GCNT2: variants seen among roughly 807,000 people sequenced by gnomAD.
GCNT2 encodes the protein N-acetyllactosaminide beta-1,6-N-acetylglucosaminyl-transferase.
A neutral mutation model predicts 34.2 loss-of-function variants in GCNT2; 34 were observed. That is an observed-to-expected ratio of 1.00 (90% CI 0.76 to 1.32). GCNT2 has a LOEUF of 1.32. Ranked by LOEUF, GCNT2 falls within the 40% of genes most tolerant of loss-of-function variation. The pLI is 0.00. For missense variants in GCNT2, 584 were observed against 489.4 expected, an observed-to-expected ratio of 1.19 and a Z score of -1.82; for synonymous variants, 212 against 188.0, an observed-to-expected ratio of 1.13 and a Z score of -1.04.
rs569115590 is a variant in GCNT2 at position 10,585,218 on chromosome 6, C to T, written c.926-36133C>T. ...GTTTGAAGAGACAGGGTCTCACTGT[C>T]GCCCAGGCTGGAGTGCAGTGCTGCC... On this transcript the variant is annotated intron_variant, in intron 3 of 4. Transcript: ENST00000495262. 3.9e-5 allele frequency among the ~76,000 whole-genome samples: 6 copies of T among 152,234 alleles called. No individual in the cohort carries two copies. The South Asian group carries it at 6.2e-4, about 16-fold the overall frequency.
At chr6:10,551,451 AT>A (rs35071552) in intron 3 of GCNT2, among the ~76,000 whole-genome samples, 51,388 of 143,914 alleles carry the variant, frequency 0.36, 9,186 homozygotes, top group African/African-American at 0.46. Flanking sequence ...TTATTAATTT[AT>A]TTTTTTTTTT....
At position 10,628,317 on chromosome 6, in the gene GCNT2, A is replaced by C. The variant is rs1209802075; in HGVS notation, c.*1710A>C. 6.6e-6 allele frequency: 1 copy of C among 152,646 alleles called. No individual in the cohort carries two copies. Among genetic ancestry groups the C allele is most frequent in the East Asian group, 1.9e-4 (1 of 5,206 alleles). The allele number at this position is 152,646 out of a possible 1,614,324, so 9.5% of individuals were successfully genotyped here. The stretch of plus-strand genomic sequence containing the variant: ...AGCAATTACTACAAATGGATGACAC[A>C]TTTAATGAACACAATTTTATTTTTT... On this transcript the variant is annotated 3_prime_UTR_variant, in exon 5 of 5. Transcript: ENST00000495262.
intron 3 of GCNT2, among the ~76,000 whole-genome samples, chr6:10,563,131 G>C (rs754781938): frequency 7.2e-5 from 11 of 152,060 alleles, no homozygotes; most frequent in Non-Finnish European, 1.6e-4. Context: ...CTCCAGCCTG[G>C]GCAACAGAGT....
chr6:10,579,839 A>AC (rs1321817123), intron 3 of GCNT2, among the ~76,000 whole-genome samples: 7 of 148,230 alleles, frequency 4.7e-5, no homozygotes, highest in African/African-American at 1.6e-4. Context: ...AAAAAAAAAA[A>AC]AAAAAAAAAC....
At chr6:10,533,145 A>C (rs576725342) in intron 3 of GCNT2, among the ~76,000 whole-genome samples, 1 of 151,712 alleles carries the variant, frequency 6.6e-6, no homozygotes, top group South Asian at 2.1e-4. Context: ...ATCTCTACTA[A>C]AAATACAAAA....
intron 3 of GCNT2, among the ~76,000 whole-genome samples, chr6:10,617,088 A>T (rs1206822322): frequency 6.6e-6 from 1 of 152,146 alleles, no homozygotes; most frequent in African/African-American, 2.4e-5. Context: ...GGTCGATGGG[A>T]CTGGGCACCA....
At chr6:10,583,170 C>A (rs992072905) in intron 3 of GCNT2, among the ~76,000 whole-genome samples, 1 of 152,010 alleles carries the variant, frequency 6.6e-6, no homozygotes, top group African/African-American at 2.4e-5. Context: ...CTCAAAGATC[C>A]CCGCCAACTC....
intron 3 of GCNT2, among the ~76,000 whole-genome samples, chr6:10,539,180 C>CTTTTT (rs71548847): frequency 0.017 from 1,079 of 65,292 alleles, 159 homozygotes; most frequent in African/African-American, 0.038. Flanking sequence ...CTCACCGTCT[C>CTTTTT]TTTTTTTTTT....
chr6:10,572,742 AT>A (rs1763609597), intron 3 of GCNT2, among the ~76,000 whole-genome samples: 2 of 152,180 alleles, frequency 1.3e-5, no homozygotes, highest in East Asian at 1.9e-4. Context: ...TCAAAAAAAA[AT>A]AAAAATAAAA....
chr6:10,544,940 T>C (rs370821317), intron 3 of GCNT2, among the ~76,000 whole-genome samples: 2,421 of 140,742 alleles, frequency 0.017, 26 homozygotes, highest in African/African-American at 0.031. Flanking sequence ...GCAAAAACTC[T>C]GTCTCAAATA....
At chr6:10,528,508 GAGGTTA>G (rs1002097883) in intron 2 of GCNT2, 117 bp from the exon 3 acceptor site, 4 of 268,294 alleles carry the variant, frequency 1.5e-5, no homozygotes, top group Admixed American at 1.5e-4. Flanking sequence ...ACAAGAGGCT[GAGGTTA>G]AGGTCTTAGA....
In GCNT2 at chr6:10,626,851, C is replaced by G; in HGVS notation, c.*244C>G. 1 of 524,696 alleles carries G rather than the reference C, an allele frequency of 1.9e-6. No individual in the cohort carries two copies. Among genetic ancestry groups the G allele is most frequent in the East Asian group, 3.3e-5 (1 of 30,120 alleles). The allele number at this position is 524,696 out of a possible 1,614,324, so 32.5% of individuals were successfully genotyped here. A position where few individuals can be genotyped will look rare whatever the true frequency, so the allele number is the denominator to read the frequency against. Reference sequence around the variant, plus strand: ...AGTCTTGCTGTTTCTTGATGCTCACCTCTATATTAGTTTATTGTTAGGATC... The same window carrying G: ...AGTCTTGCTGTTTCTTGATGCTCACGTCTATATTAGTTTATTGTTAGGATC... On this transcript the variant is annotated 3_prime_UTR_variant, in exon 5 of 5. Transcript: ENST00000495262.
chr6:10,616,837 T>G (rs1210571020), intron 3 of GCNT2, among the ~76,000 whole-genome samples: 5 of 152,162 alleles, frequency 3.3e-5, no homozygotes, highest in Non-Finnish European at 1.5e-5. Context: ...GAGTGCCAAT[T>G]GGTGCATTCA....
intron 3 of GCNT2, among the ~76,000 whole-genome samples, chr6:10,614,766 C>G (rs978033810): frequency 6.6e-6 from 1 of 152,120 alleles, no homozygotes; most frequent in Non-Finnish European, 1.5e-5. Flanking sequence ...CTGATCCTCA[C>G]AAAACCTAAA....
chr6:10,626,744 A>C lies in GCNT2; in HGVS notation c.*137A>C, dbSNP rs906782265. The C allele has an allele frequency of 1.5e-6, 1 of 683,674 alleles. No homozygotes were observed. The highest frequency in any genetic ancestry group is 2.6e-6 in the Non-Finnish European group (1 of 381,524). 42.4% of individuals were successfully genotyped at this position (683,674 alleles called of 1,614,324 possible). A position where few individuals can be genotyped will look rare whatever the true frequency, so the allele number is the denominator to read the frequency against. ...AGCTTCAGGACCTGGCTACGTAATT[A>C]TACTTAAAATATCCACTGGACACTG... is the stretch of plus-strand genomic sequence containing the variant. On this transcript the variant is annotated 3_prime_UTR_variant, in exon 5 of 5. Transcript: ENST00000495262.
At chr6:10,556,615 A>G (rs1458675699) in intron 3 of GCNT2, 1 of 1,614,038 alleles carries the variant, frequency 6.2e-7, no homozygotes, top group Non-Finnish European at 8.5e-7. Flanking sequence ...AAAACAAACT[A>G]ATGATCCATG....
At chr6:10,534,878 A>G (rs1283541264) in intron 3 of GCNT2, among the ~76,000 whole-genome samples, 1 of 152,060 alleles carries the variant, frequency 6.6e-6, no homozygotes, top group Non-Finnish European at 1.5e-5. Flanking sequence ...GGATAAATAA[A>G]TAAGCAAGCA....
intron 4 of GCNT2, among the ~76,000 whole-genome samples, chr6:10,621,989 C>T (rs1307128632): frequency 2.6e-5 from 4 of 152,122 alleles, no homozygotes; most frequent in Admixed American, 1.3e-4. Flanking sequence ...ATGTTGGCAC[C>T]GCAGAGAAAG....
chr6:10,580,240 T>C (rs1320909651), intron 3 of GCNT2, among the ~76,000 whole-genome samples: 1 of 151,260 alleles, frequency 6.6e-6, no homozygotes, highest in Non-Finnish European at 1.5e-5. Context: ...CCTGGGCTCA[T>C]GATCCCCTGT....
Sources: allele counts gnomAD v4.1 joint callset (sites outside exome capture counted in the v4.1 genomes callset), GRCh38; gene constraint gnomAD v4.1.1; transcripts MANE v1.5; gene names NCBI Gene and HGNC (gene_info 2026-07-23, HGNC 2026-07-21).